Variants in MACF1 observed in about 807,000 individuals in gnomAD.
The protein encoded by MACF1 is microtubule-actin cross-linking factor 1.
Under a neutral mutation model 854.8 loss-of-function variants are expected in MACF1, and 193 were observed. The observed-to-expected ratio is 0.23, with a 90% CI of 0.20 to 0.25. The LOEUF (loss-of-function observed/expected upper bound fraction) is 0.25. MACF1 is among the 10% of genes least tolerant of loss of function. MACF1 has a pLI of 1.00. For missense variants in MACF1, 7,722 were observed against 8,929.1 expected (o/e 0.86, Z 5.45); for synonymous variants, 3,185 against 3,226.7 (o/e 0.99, Z 0.44).
intron 68 of MACF1, 128 bp from the exon 69 acceptor site, chr1:39,434,286 T>C: frequency 2.2e-6 from 1 of 448,872 alleles, no homozygotes; most frequent in Non-Finnish European, 3.9e-6. Flanking sequence ...TTGTAATCTT[T>C]ACTGATATTT....
chr1:39,393,020 CAAATCTCTTCAGG>C (rs1343482187), intron 58 of MACF1, among the ~76,000 whole-genome samples: 1 of 151,694 alleles, frequency 6.6e-6, no homozygotes, highest in Non-Finnish European at 1.5e-5. Context: ...AAGACTTTGG[CAAATCTCTTCAGG>C]AAATTCCGTT....
rs139238480 is a variant in MACF1 at position 39,451,188 on chromosome 1, A to T, written c.20395A>T (p.Met6799Leu). 1 of 1,613,976 alleles carries T rather than the reference A, an allele frequency of 6.2e-7. No homozygotes were observed. Among genetic ancestry groups the T allele is most frequent in the African/African-American group, 1.3e-5 (1 of 74,922 alleles). Residue 6799 changes from methionine to leucine, a missense_variant, in exon 85 of 101, where the codon ATG (methionine) becomes TTG (leucine). Met to Leu is a conservative substitution (Grantham distance 15). This residue lies in a region of MACF1 where 729 missense variants were observed against 900.5 expected (regional missense o/e 0.81). Transcript: ENST00000564288. ...CGTGCACGGGGACCTTGACCTCGTC[A>T]TGAACCTCATGGATGCACACAAGGT... ...QPVHGDLDLV[M>L]NLMDAHKVFQ...
chr1:39,102,441 G>T (rs57925211), intron 2 of MACF1, among the ~76,000 whole-genome samples: 1 of 150,012 alleles, frequency 6.7e-6, no homozygotes. Context: ...AGGCGGGGGG[G>T]GGGTCAAGGA....
intron 2 of MACF1, among the ~76,000 whole-genome samples, chr1:39,193,975 C>T (rs907990710): frequency 1.3e-5 from 2 of 152,120 alleles, no homozygotes. Flanking sequence ...TCCCAAGTAG[C>T]TGGGATTACA....
chr1:39,125,233 A>T (rs1642827372), intron 2 of MACF1, among the ~76,000 whole-genome samples: 1 of 152,204 alleles, frequency 6.6e-6, no homozygotes, highest in Non-Finnish European at 1.5e-5. Flanking sequence ...TTGGAAGAAA[A>T]TTTTATCTAG....
In MACF1 at chr1:39,310,495, C is replaced by A; in HGVS notation, c.3100+67C>A. On this transcript the variant is annotated intron_variant, in intron 25 of 100. Transcript: ENST00000564288. ...AGCCTTTCAAGGGGTTGCTGTGAAA[C>A]CCTTCATATAAATGAGAGAGTAACA... 3 of 1,493,836 alleles carry A rather than the reference C, an allele frequency of 2.0e-6. No individual in the cohort carries two copies. The South Asian group carries it at 4.0e-5, about 20-fold the overall frequency. 92.5% of individuals were successfully genotyped at this position (1,493,836 alleles called of 1,614,324 possible).
intron 97 of MACF1, among the ~76,000 whole-genome samples, chr1:39,477,131 TATATACACACAC>T (rs1360453994): frequency 1.1e-5 from 1 of 91,340 alleles, no homozygotes; most frequent in Non-Finnish European, 2.0e-5. Flanking sequence ...TATATATATA[TATATACACACAC>T]ACACACACAC....
At chr1:39,411,761 A>T (rs1404363027) in intron 58 of MACF1, 5 of 1,613,904 alleles carry the variant, frequency 3.1e-6, no homozygotes, top group Non-Finnish European at 4.2e-6. Flanking sequence ...GCTGCATCCC[A>T]GGATGCAGAA....
At chr1:39,086,258 G>A (rs146398063) in intron 2 of MACF1, among the ~76,000 whole-genome samples, 6 of 152,328 alleles carry the variant, frequency 3.9e-5, no homozygotes, top group African/African-American at 7.2e-5. Context: ...GAGCTATAAC[G>A]GAAAGTTAGA....
intron 6 of MACF1, among the ~76,000 whole-genome samples, chr1:39,271,144 A>G (rs1040187634): frequency 4.1e-4 from 63 of 152,352 alleles, no homozygotes; most frequent in African/African-American, 1.3e-3. Context: ...TTGCATTGCT[A>G]TAAATAAATA....
rs775460656 is a variant in MACF1 at position 39,453,690 on chromosome 1, A to G, written c.20743-17A>G. ...GTAGACTTTTTACGTTTTTGTTTTC[A>G]AATCTTTTTTGTTTAGGAATTCATG... is the stretch of plus-strand genomic sequence containing the variant. On this transcript the variant is annotated splice_polypyrimidine_tract_variant and intron_variant, in intron 87 of 100. Transcript: ENST00000564288. 3 of 1,613,156 alleles carry G rather than the reference A, an allele frequency of 1.9e-6. No individual in the cohort carries two copies. The highest frequency in any genetic ancestry group is 1.7e-4 in the Middle Eastern group (1 of 6,058).
chr1:39,155,783 G>A (rs1020571099), intron 2 of MACF1, among the ~76,000 whole-genome samples: 4 of 152,150 alleles, frequency 2.6e-5, no homozygotes, highest in African/African-American at 9.7e-5. Flanking sequence ...GCAATGGCAC[G>A]ATCTTGGCTC....
chr1:39,432,480 A>G lies in MACF1; in HGVS notation c.17338-55A>G, dbSNP rs1290726377. The G allele has an allele frequency of 2.4e-5, 38 of 1,562,724 alleles. No individual in the cohort carries two copies. In the East Asian group the frequency reaches 3.6e-4, roughly 15 times the overall value. ...TTGCTTTGTTGAATAAATTGCAGTT[A>G]TGTGGAGACTTGGCTGTATATAATT... On this transcript the variant is annotated intron_variant, in intron 66 of 100. Transcript: ENST00000564288.
At chr1:39,208,392 C>G (rs1644477673) in intron 1 of MACF1, among the ~76,000 whole-genome samples, 1 of 151,952 alleles carries the variant, frequency 6.6e-6, no homozygotes, top group African/African-American at 2.4e-5. Flanking sequence ...ACTACTTATT[C>G]AAACCTGTAT....
In MACF1 at chr1:39,295,077, A is replaced by C; in HGVS notation, c.2186A>C (p.Asp729Ala). 5.6e-6 allele frequency: 9 copies of C among 1,613,972 alleles called. No homozygotes were observed. The highest frequency in any genetic ancestry group is 7.6e-6 in the Non-Finnish European group (9 of 1,179,900). The change falls in exon 19 of 101, where the codon GAT becomes GCT. Residue 729 changes from aspartate (D) to alanine (A), a missense_variant. Asp to Ala is a moderately radical substitution (Grantham distance 126, BLOSUM62 -2). Around this residue, in one of 15 missense-constraint regions of MACF1, gnomAD observed 1,137 missense variants for 1,263.0 expected, o/e 0.90. Coordinates refer to ENST00000564288, the MANE Select transcript of MACF1 (RefSeq NM_001394062.1). ...ELTMELEEKQDVFRSLQDTAE... is the reference protein window; with the variant it reads ...ELTMELEEKQAVFRSLQDTAE... ...ACAATGGAACTGGAGGAGAAACAGG[A>C]TGTGTTTCGTTCTCTACAAGATACA... is the stretch of plus-strand genomic sequence containing the variant.
intron 1 of MACF1, among the ~76,000 whole-genome samples, chr1:39,210,521 T>C (rs1331267621): frequency 6.6e-6 from 1 of 152,116 alleles, no homozygotes; most frequent in Non-Finnish European, 1.5e-5. Context: ...CTTTGCATTT[T>C]TTTTTTCTTA....
In MACF1 at chr1:39,430,696, CCTT is replaced by C; in HGVS notation, c.17131-5_17131-3del. The stretch of plus-strand genomic sequence containing the variant: ...GTATGGCCTGAAAACTCTTTTCCCT[CCTT>C]AGGAATTAAAGAAGGAGGTCATGGA... On this transcript the variant is annotated splice_region_variant and splice_polypyrimidine_tract_variant and intron_variant, in intron 65 of 100. Coordinates refer to ENST00000564288, the MANE Select transcript of MACF1 (RefSeq NM_001394062.1). 1 of 1,610,682 alleles carries C rather than the reference CCTT, an allele frequency of 6.2e-7. No homozygotes were observed. The highest frequency in any genetic ancestry group is 2.2e-5 in the East Asian group (1 of 44,864).
At position 39,331,620 on chromosome 1, in the gene MACF1, C is replaced by G. The variant is rs1036706387; in HGVS notation, c.5032C>G (p.Gln1678Glu). The G allele has an allele frequency of 7.4e-6, 12 of 1,614,046 alleles. No homozygotes were observed. In the Admixed American group the frequency reaches 1.2e-4, roughly 16 times the overall value. ...TATTAACCTGGAAGAGGCTTTTCAT[C>G]AAGGCCTCATTTCTGCATGGCTTCA... ...NCINLEEAFH[Q>E]GLISAWLHSV... Residue 1678 changes from glutamine to glutamate, a missense_variant, in exon 37 of 101, where the codon CAA becomes GAA. Transcript: ENST00000564288.
chr1:39,204,760 T>G lies in MACF1; in HGVS notation c.-263T>G. Reference sequence around the variant, plus strand: ...TTCACTCTCCTTGTTCCTTCTTCCCTTTCCCCTCCCCCGCTGGCCAGTTGT... The same window carrying G: ...TTCACTCTCCTTGTTCCTTCTTCCCGTTCCCCTCCCCCGCTGGCCAGTTGT... On this transcript the variant is annotated 5_prime_UTR_variant, in exon 1 of 101. Coordinates refer to ENST00000564288, the MANE Select transcript of MACF1 (RefSeq NM_001394062.1). 1 of 403,316 alleles carries G rather than the reference T, an allele frequency of 2.5e-6. No individual in the cohort carries two copies. Among genetic ancestry groups the G allele is most frequent in the Non-Finnish European group, 4.5e-6 (1 of 221,792 alleles). The allele number at this position is 403,316 out of a possible 1,614,324, so 25.0% of individuals were successfully genotyped here. A position where few individuals can be genotyped will look rare whatever the true frequency, so the allele number is the denominator to read the frequency against.
Sources: gnomAD v4.1 joint callset for allele counts (sites outside exome capture counted in the v4.1 genomes callset) on GRCh38, gnomAD v4.1.1 for gene constraint, gnomAD v4.1.1 regional missense constraint, MANE v1.5 for transcripts, NCBI Gene and HGNC (gene_info 2026-07-23, HGNC 2026-07-21) for gene names.